HSF2BP: variants seen among roughly 807,000 people sequenced by gnomAD.
HSF2BP encodes heat shock transcription factor 2 binding protein, also known as heat shock factor 2-binding protein.
In HSF2BP, 35 loss-of-function variants were observed where a neutral mutation model predicts 35.0. The ratio of observed to expected loss-of-function variants is 1.00; its 90% CI spans 0.76 to 1.32. The LOEUF is 1.32. Ranked by LOEUF, HSF2BP falls within the 40% of genes most tolerant of loss-of-function variation. HSF2BP has a pLI of 0.00. For missense variants in HSF2BP, 326 were observed against 321.7 expected (o/e 1.01, Z -0.10); for synonymous variants, 114 against 117.4 (o/e 0.97, Z 0.18).
At chr21:43,633,829 T>C (rs1389283835) in intron 4 of HSF2BP, among the ~76,000 whole-genome samples, 1 of 152,176 alleles carries the variant, frequency 6.6e-6, no homozygotes, top group African/African-American at 2.4e-5. Flanking sequence ...CTCCTCCAAA[T>C]GGCTCACTCC....
chr21:43,585,767 G>A (rs1389203598), intron 8 of HSF2BP, among the ~76,000 whole-genome samples: 1 of 152,202 alleles, frequency 6.6e-6, no homozygotes, highest in African/African-American at 2.4e-5. Context: ...ATTAAAAGGA[G>A]TCAAGGAGTC....
intron 7 of HSF2BP, among the ~76,000 whole-genome samples, chr21:43,604,954 CCA>C (rs1168153494): frequency 4.1e-5 from 6 of 145,688 alleles, no homozygotes; most frequent in Admixed American, 6.8e-5. Flanking sequence ...ACACCATACA[CCA>C]CACACACACT....
chr21:43,619,905 G>A, intron 6 of HSF2BP, among the ~76,000 whole-genome samples: 1 of 152,318 alleles, frequency 6.6e-6, no homozygotes, highest in African/African-American at 2.4e-5. Flanking sequence ...AGGTCCCCTG[G>A]GCACAGACGC....
At chr21:43,578,072 C>T (rs1453600758) in intron 8 of HSF2BP, among the ~76,000 whole-genome samples, 1 of 152,210 alleles carries the variant, frequency 6.6e-6, no homozygotes, top group Non-Finnish European at 1.5e-5. Context: ...CCTTGTTGCT[C>T]ACACAAAGCC....
At chr21:43,604,489 CACACACCACACACTACACACACTAT>C (rs2082097126) in intron 7 of HSF2BP, among the ~76,000 whole-genome samples, 1 of 143,960 alleles carries the variant, frequency 6.9e-6, no homozygotes, top group African/African-American at 2.6e-5. Context: ...ACCATACACA[CACACACCACACACTACACACACTAT>C]ACACACCCCA....
At chr21:43,574,183 C>T (rs1302391209) in intron 8 of HSF2BP, among the ~76,000 whole-genome samples, 2 of 152,178 alleles carry the variant, frequency 1.3e-5, no homozygotes, top group East Asian at 1.9e-4. Flanking sequence ...TACATCATCT[C>T]GCCCTTTCAA....
At chr21:43,637,639 T>C (rs2082581220) in intron 4 of HSF2BP, among the ~76,000 whole-genome samples, 1 of 150,434 alleles carries the variant, frequency 6.6e-6, no homozygotes, top group African/African-American at 2.5e-5. Context: ...AGACCCTATC[T>C]CTACAAAAAC....
chr21:43,592,276 A>G lies in HSF2BP; in HGVS notation c.745T>C (p.Tyr249His), dbSNP rs753114922. ...ATGAATCCTGGACTCTCGCTGATGT[A>G]TTTCAAGCCTTTCAAATTGATGCTT... Reference protein sequence around the residue: ...NVSINLKGLKYISESPGFIPL... With the variant: ...NVSINLKGLKHISESPGFIPL... The change falls in exon 8 of 9, where the codon TAC becomes CAC. Residue 249 changes from tyrosine (Y) to histidine (H), a missense_variant. Transcript: ENST00000291560. 1 of 1,614,012 alleles carries G rather than the reference A, an allele frequency of 6.2e-7. No individual in the cohort carries two copies. Among genetic ancestry groups the G allele is most frequent in the Admixed American group, 1.7e-5 (1 of 60,004 alleles).
intron 7 of HSF2BP, among the ~76,000 whole-genome samples, chr21:43,605,592 CCA>C (rs919419033): frequency 2.7e-5 from 4 of 149,762 alleles, no homozygotes; most frequent in Admixed American, 6.6e-5. Context: ...CATACACATA[CCA>C]CACACACACA....
chr21:43,628,701 C>T (rs578212460), intron 6 of HSF2BP, among the ~76,000 whole-genome samples: 11 of 152,338 alleles, frequency 7.2e-5, no homozygotes, highest in East Asian at 1.9e-4. Flanking sequence ...TGGAAGAAGA[C>T]GCCATCTAGG....
At chr21:43,657,933 A>G in intron 2 of HSF2BP, 128 bp downstream of exon 2, 1 of 1,494,842 alleles carries the variant, frequency 6.7e-7, no homozygotes, top group Non-Finnish European at 8.9e-7. Context: ...CCGTTAGGGG[A>G]GGAAGTCTCC....
At chr21:43,598,180 C>CT (rs906867103) in intron 7 of HSF2BP, among the ~76,000 whole-genome samples, 21 of 150,630 alleles carry the variant, frequency 1.4e-4, no homozygotes, top group South Asian at 4.2e-4. Flanking sequence ...TAGGCACTTT[C>CT]TTTTTTTTTG....
rs1555868377 is a variant in HSF2BP, at chr21:43,616,052, A to ATAT, written c.575-2106_575-2105insATA. On this transcript the variant is annotated intron_variant, in intron 6 of 8. Transcript: ENST00000291560. ...AATACATCGCTGAAGAAAAAAAAAA[A>ATAT]ATATATATATATATATATCATAGCA... 4.7e-3 allele frequency among the ~76,000 whole-genome samples: 681 copies of ATAT among 143,986 alleles called. 3 individuals carry two copies. Among genetic ancestry groups the ATAT allele is most frequent in the African/African-American group, 0.015 (580 of 38,896 alleles). 94.5% of individuals were successfully genotyped at this position (143,986 alleles called of 152,430 possible).
At chr21:43,572,157 C>T (rs1445733009) in intron 8 of HSF2BP, among the ~76,000 whole-genome samples, 2 of 152,080 alleles carry the variant, frequency 1.3e-5, no homozygotes, top group Non-Finnish European at 2.9e-5. Context: ...ATACCATCAG[C>T]CAGGATGTGC....
chr21:43,596,957 C>A (rs1469679236), intron 7 of HSF2BP, among the ~76,000 whole-genome samples: 1 of 150,922 alleles, frequency 6.6e-6, no homozygotes, highest in African/African-American at 2.4e-5. Context: ...GACAAGGCCA[C>A]ATAGCACCAG....
chr21:43,642,598 A>T (rs2082652045), intron 4 of HSF2BP, among the ~76,000 whole-genome samples: 1 of 151,872 alleles, frequency 6.6e-6, no homozygotes, highest in Non-Finnish European at 1.5e-5. Flanking sequence ...CTCTGTATTC[A>T]CCTTGCAGGG....
At chr21:43,590,575 C>T (rs191727681) in intron 8 of HSF2BP, among the ~76,000 whole-genome samples, 1 of 152,252 alleles carries the variant, frequency 6.6e-6, no homozygotes, top group African/African-American at 2.4e-5. Flanking sequence ...TGGAGACAAC[C>T]CAAATGTCCA....
chr21:43,604,214 GCACACAGCACACAC>G (rs1433611888), intron 7 of HSF2BP, among the ~76,000 whole-genome samples: 1 of 141,122 alleles, frequency 7.1e-6, no homozygotes, highest in African/African-American at 2.6e-5. Context: ...ACACACCACA[GCACACAGCACACAC>G]CACACACCAC....
chr21:43,636,250 AAAGAAAAGAAAAG>A (rs2082555908), intron 4 of HSF2BP, among the ~76,000 whole-genome samples: 1 of 139,890 alleles, frequency 7.1e-6, no homozygotes, highest in South Asian at 2.1e-4. Flanking sequence ...AAAGAAAAGA[AAAGAAAAGAAAAG>A]AAAAGAAAAA....
Sources: gnomAD v4.1 joint callset for allele counts (sites outside exome capture counted in the v4.1 genomes callset) on GRCh38, gnomAD v4.1.1 for gene constraint, MANE v1.5 for transcripts, NCBI Gene and HGNC (gene_info 2026-07-23, HGNC 2026-07-21) for gene names.